MEIS2: variants seen among roughly 807,000 people sequenced by gnomAD.
The protein encoded by MEIS2 is homeobox protein Meis2.
Under a neutral mutation model 58.6 loss-of-function variants are expected in MEIS2, and 9 were observed. The ratio of observed to expected loss-of-function variants is 0.15; its 90% CI spans 0.09 to 0.27. MEIS2 has a LOEUF of 0.27. Among genes scored for constraint, MEIS2 ranks in the 10% least tolerant of loss-of-function variants. The pLI is 1.00. For missense variants in MEIS2, 427 were observed against 635.0 expected, an observed-to-expected ratio of 0.67 and a Z score of 3.52; for synonymous variants, 221 against 228.4, an observed-to-expected ratio of 0.97 and a Z score of 0.29.
rs188017067 is a variant in MEIS2, at chr15:36,970,174, C to A, written c.901-19774G>T. ...ATCCCAGCACTTTGGGAGGCCAAGG[C>A]GGGAGGATCATGAGGTCAGGAGATC... On this transcript the variant is annotated intron_variant, in intron 8 of 11. Transcript: ENST00000561208. Among the ~76,000 whole-genome samples the A allele has an allele frequency of 3.9e-5, 6 of 152,142 alleles. No homozygotes were observed. In the East Asian group the frequency reaches 1.2e-3, roughly 29 times the overall value.
chr15:37,084,639 TAGA>T (rs1256871346), intron 6 of MEIS2, among the ~76,000 whole-genome samples: 5 of 152,200 alleles, frequency 3.3e-5, no homozygotes, highest in Admixed American at 6.5e-5. Context: ...TGCTTTTTCC[TAGA>T]AGAACTACTT....
intron 8 of MEIS2, among the ~76,000 whole-genome samples, chr15:37,022,474 C>A (rs1380548776): frequency 6.6e-6 from 1 of 152,094 alleles, no homozygotes; most frequent in Admixed American, 6.5e-5. Context: ...GTCTTGAAAT[C>A]CTGAACTCAA....
intron 11 of MEIS2, chr15:36,894,928 A>AT (rs1316522178): frequency 1.9e-6 from 2 of 1,043,384 alleles, no homozygotes; most frequent in African/African-American, 3.2e-5. Context: ...AAAAGAAAAA[A>AT]GAAAAAGGAT....
intron 11 of MEIS2, chr15:36,894,630 G>C: frequency 8.8e-7 from 1 of 1,135,432 alleles, no homozygotes; most frequent in Non-Finnish European, 1.3e-6. Flanking sequence ...TTATGGGCAA[G>C]GAAAAATAAA....
chr15:37,066,003 T>C (rs1486698145), intron 7 of MEIS2, among the ~76,000 whole-genome samples: 2 of 152,206 alleles, frequency 1.3e-5, no homozygotes, highest in Non-Finnish European at 2.9e-5. Context: ...AGTAGTCTCA[T>C]TATCTTAGCC....
At chr15:36,995,155 C>G (rs113783425) in intron 8 of MEIS2, among the ~76,000 whole-genome samples, 5 of 152,344 alleles carry the variant, frequency 3.3e-5, no homozygotes, top group East Asian at 3.9e-4. Flanking sequence ...ACAAACGTCT[C>G]TGTTCTCCTC....
At chr15:36,979,599 C>T (rs554889844) in intron 8 of MEIS2, among the ~76,000 whole-genome samples, 4 of 151,236 alleles carry the variant, frequency 2.6e-5, no homozygotes, top group Admixed American at 2.0e-4. Context: ...TCATGTCAGA[C>T]GCATGTTTAA....
intron 9 of MEIS2, among the ~76,000 whole-genome samples, chr15:36,948,738 T>A (rs1378205718): frequency 6.6e-6 from 1 of 152,012 alleles, no homozygotes; most frequent in African/African-American, 2.4e-5. Context: ...AGACCACTGA[T>A]AACTTGTGCT....
intron 7 of MEIS2, among the ~76,000 whole-genome samples, chr15:37,079,750 T>G (rs1346500554): frequency 6.6e-6 from 1 of 152,126 alleles, no homozygotes; most frequent in Non-Finnish European, 1.5e-5. Context: ...GGAAAATAGA[T>G]GGGGACATCA....
At chr15:36,951,270 G>C (rs1367761729) in intron 8 of MEIS2, among the ~76,000 whole-genome samples, 1 of 152,086 alleles carries the variant, frequency 6.6e-6, no homozygotes, top group East Asian at 1.9e-4. Context: ...AAAAGACACT[G>C]TACTGGGTAT....
intron 7 of MEIS2, among the ~76,000 whole-genome samples, chr15:37,039,540 A>G (rs774663691): frequency 1.3e-5 from 2 of 152,196 alleles, no homozygotes; most frequent in African/African-American, 2.4e-5. Flanking sequence ...GAGAGACAGC[A>G]TTTCCACAGT....
chr15:37,009,914 G>T (rs1381558086), intron 8 of MEIS2, among the ~76,000 whole-genome samples: 1 of 152,164 alleles, frequency 6.6e-6, no homozygotes, highest in Non-Finnish European at 1.5e-5. Flanking sequence ...AGCACCTAAT[G>T]TATTTAGTGG....
intron 7 of MEIS2, chr15:37,050,985 G>C (rs2062894594): frequency 6.6e-6 from 1 of 152,154 alleles, no homozygotes; most frequent in Non-Finnish European, 1.5e-5. Context: ...TTAACCCTCT[G>C]AACCTCAGTT....
At chr15:37,059,267 T>C (rs1888865595) in intron 7 of MEIS2, among the ~76,000 whole-genome samples, 2 of 152,226 alleles carry the variant, frequency 1.3e-5, no homozygotes, top group Non-Finnish European at 1.5e-5. Context: ...TTAGAGCAGC[T>C]TGAAGCTCTC....
In MEIS2 at chr15:36,990,614, G is replaced by A. The variant is rs917345120; in HGVS notation, c.901-40214C>T. 1.3e-4 allele frequency among the ~76,000 whole-genome samples: 19 copies of A among 143,234 alleles called. No individual in the cohort carries two copies. The East Asian group carries it at 3.7e-3, about 28-fold the overall frequency. The allele number at this position is 143,234 out of a possible 152,430, so 94.0% of individuals were successfully genotyped here. A position where few individuals can be genotyped will look rare whatever the true frequency, so the allele number is the denominator to read the frequency against. ...TGAAAGAAGGCACTAAGTATATACA[G>A]TTTATTGGTATAGTTTAGTGGGCTT... is the stretch of plus-strand genomic sequence containing the variant. On this transcript the variant is annotated intron_variant, in intron 8 of 11. Coordinates refer to ENST00000561208, the MANE Select transcript of MEIS2 (RefSeq NM_170675.5).
At chr15:37,032,253 G>A (rs920290947) in intron 8 of MEIS2, among the ~76,000 whole-genome samples, 1 of 152,162 alleles carries the variant, frequency 6.6e-6, no homozygotes, top group Non-Finnish European at 1.5e-5. Context: ...TTGTGTATGA[G>A]CACTTCCTGT....
At chr15:37,010,383 G>T (rs994601968) in intron 8 of MEIS2, among the ~76,000 whole-genome samples, 1 of 150,648 alleles carries the variant, frequency 6.6e-6, no homozygotes, top group Non-Finnish European at 1.5e-5. Context: ...CACCACGCCC[G>T]GCCTATTTCT....
chr15:37,099,013 C>T, intron 1 of MEIS2: 1 of 983,184 alleles, frequency 1.0e-6, no homozygotes, highest in Non-Finnish European at 1.2e-6. Context: ...CAGCGCGGCC[C>T]CAGCGGCGGC....
At chr15:37,037,539 G>GA (rs34348481) in intron 7 of MEIS2, among the ~76,000 whole-genome samples, 22,693 of 146,752 alleles carry the variant, frequency 0.15, 1,714 homozygotes, top group South Asian at 0.22. Flanking sequence ...TCATTATCAT[G>GA]AAAAAAAAAA....
Sources: allele counts gnomAD v4.1 joint callset (sites outside exome capture counted in the v4.1 genomes callset), GRCh38; gene constraint gnomAD v4.1.1; transcripts MANE v1.5; gene names NCBI Gene and HGNC (gene_info 2026-07-23, HGNC 2026-07-21).